BET1L: variants seen among roughly 807,000 people sequenced by gnomAD.
BET1L encodes the protein Bet1 golgi vesicular membrane trafficking protein like, also known as BET1-like protein.
BET1L carries 13 observed loss-of-function variants against 12.6 expected under a neutral mutation model. That is an observed-to-expected ratio of 1.03 (90% CI 0.67 to 1.64). The LOEUF (loss-of-function observed/expected upper bound fraction) is 1.64, where lower values mean the gene tolerates loss of function less well. Among genes scored for constraint, BET1L ranks in the 40% most tolerant of loss-of-function variants. The pLI, the probability that BET1L is intolerant of heterozygous loss-of-function variation, is 0.00. For synonymous variants in BET1L, 60 were observed against 56.9 expected, an observed-to-expected ratio of 1.05 and a Z score of -0.25; for missense variants, 154 against 150.7, an observed-to-expected ratio of 1.02 and a Z score of -0.11.
Position 205,139 on chromosome 11 carries a change from G to C in BET1L, c.*163C>G. On this transcript the variant is annotated 3_prime_UTR_variant, in exon 4 of 4. Transcript: ENST00000382762. ...GGGACCAGCCAACATGAGCTCATCA[G>C]GTCACAGGCAGCCGCAGCCTCCTGC... 3 of 974,128 alleles carry C rather than the reference G, an allele frequency of 3.1e-6. No individual in the cohort carries two copies. Among genetic ancestry groups the C allele is most frequent in the Non-Finnish European group, 4.4e-6 (3 of 678,918 alleles). 60.3% of individuals were successfully genotyped at this position (974,128 alleles called of 1,614,324 possible). A position where few individuals can be genotyped will look rare whatever the true frequency, so the allele number is the denominator to read the frequency against.
chr11:205,539 G>A (rs370700212), intron 3 of BET1L, 70 bp from the exon 4 acceptor site: 4 of 1,614,176 alleles, frequency 2.5e-6, no homozygotes, highest in Non-Finnish European at 3.4e-6. Context: ...CAGTGCTGAA[G>A]GAGACACTGC....
In BET1L at chr11:203,482, AG is replaced by A. The variant is rs1855081001; in HGVS notation, c.*1819del. ...CACCTGGGGTGTAGCTGGTTACCACAGCTCAGCCACATTCCCCAGAAACGGA... is the reference window on the plus strand; with the variant it reads ...CACCTGGGGTGTAGCTGGTTACCACACTCAGCCACATTCCCCAGAAACGGA... On this transcript the variant is annotated 3_prime_UTR_variant, in exon 4 of 4. Transcript: ENST00000382762. 1.3e-5 allele frequency: 2 copies of A among 152,566 alleles called. No individual in the cohort carries two copies. Among genetic ancestry groups the A allele is most frequent in the African/African-American group, 4.8e-5 (2 of 41,456 alleles). The allele number at this position is 152,566 out of a possible 1,614,324, so 9.5% of individuals were successfully genotyped here.
chr11:205,941 C>T lies in BET1L; in HGVS notation c.111+11G>A, dbSNP rs1409588182. 6.2e-7 allele frequency: 1 copy of T among 1,613,404 alleles called. No homozygotes were observed. The highest frequency in any genetic ancestry group is 8.5e-7 in the Non-Finnish European group (1 of 1,179,484). ...CACCAGGTGGAGGTAAGAGGACAGA[C>T]CACCACTGACCGATTTGAGCCTGGT... On this transcript the variant is annotated intron_variant, in intron 2 of 3. Coordinates refer to ENST00000382762, the MANE Select transcript of BET1L (RefSeq NM_001098787.2).
rs751823348 is a variant in BET1L at position 205,361 on chromosome 11, C to T, written c.277G>A (p.Val93Met). 2.5e-5 allele frequency: 41 copies of T among 1,614,004 alleles called. No individual in the cohort carries two copies. Among genetic ancestry groups the T allele is most frequent in the South Asian group, 2.3e-4 (21 of 91,072 alleles). The change falls in exon 4 of 4, where the codon GTG (valine) becomes ATG (methionine). Residue 93 changes from valine to methionine, a missense_variant. Physicochemically the swap from Val to Met is conservative, Grantham distance 21 (BLOSUM62 1). Coordinates refer to ENST00000382762, the MANE Select transcript of BET1L (RefSeq NM_001098787.2). Reference sequence around the variant, plus strand: ...ATGAAGAAGGCCACAATTAGACCCACGGCCATGCCACATAGAAGCTTCCGG... The same window carrying T: ...ATGAAGAAGGCCACAATTAGACCCATGGCCATGCCACATAGAAGCTTCCGG... The part of the protein sequence containing the change: ...DNRKLLCGMA[V>M]GLIVAFFILS...
chr11:205,989 G>A lies in BET1L; in HGVS notation c.74C>T (p.Ala25Val), dbSNP rs754567875. 2 of 1,613,958 alleles carry A rather than the reference G, an allele frequency of 1.2e-6. No individual in the cohort carries two copies. Among genetic ancestry groups the A allele is most frequent in the Admixed American group, 1.7e-5 (1 of 60,006 alleles). ...GGTGACTTTGGAGGCCAGGCTGTCA[G>A]CCATTCGCTTGTTCTCCCGGTCTAG... ...EILDRENKRM[A>V]DSLASKVTRL... The change falls in exon 2 of 4, where the codon GCT (alanine) becomes GTT (valine). Residue 25 changes from alanine to valine, a missense_variant. Ala to Val is a moderately conservative substitution (Grantham distance 64, BLOSUM62 0). Transcript: ENST00000382762.
At position 207,360 on chromosome 11, in the gene BET1L, G is replaced by T. The variant is rs1240521281; in HGVS notation, c.-39C>A. 1 of 1,408,898 alleles carries T rather than the reference G, an allele frequency of 7.1e-7. No homozygotes were observed. Among genetic ancestry groups the T allele is most frequent in the Non-Finnish European group, 9.2e-7 (1 of 1,091,636 alleles). The allele number at this position is 1,408,898 out of a possible 1,614,324, so 87.3% of individuals were successfully genotyped here. ...GGCTCCTCGACGCGGACACCGACGC[G>T]GCCACAGCCGCCTCAGACGTGGCGC... On this transcript the variant is annotated 5_prime_UTR_variant, in exon 1 of 4. Coordinates refer to ENST00000382762, the MANE Select transcript of BET1L (RefSeq NM_001098787.2).
Position 205,274 on chromosome 11 carries a change from G to A in BET1L, c.*28C>T, listed in dbSNP as rs753615976. On this transcript the variant is annotated 3_prime_UTR_variant, in exon 4 of 4. Coordinates refer to ENST00000382762, the MANE Select transcript of BET1L (RefSeq NM_001098787.2). ...GCAGGGAAGACCCTGGCTGCCCTTG[G>A]CACCCACAGACACCAGCTCCCACTG... The A allele has an allele frequency of 1.3e-6, 2 of 1,599,688 alleles. No individual in the cohort carries two copies. Among genetic ancestry groups the A allele is most frequent in the Admixed American group, 3.4e-5 (2 of 58,808 alleles).
At chr11:207,040 G>A (rs1409722501) in intron 1 of BET1L, 3 of 504,826 alleles carry the variant, frequency 5.9e-6, no homozygotes, top group Non-Finnish European at 6.9e-6. Context: ...CACAGGGGGC[G>A]GCGGGGAGTG....
At position 205,944 on chromosome 11, in the gene BET1L, C is replaced by T. The variant is rs1458751087; in HGVS notation, c.111+8G>A. Reference sequence around the variant, plus strand: ...CAGGTGGAGGTAAGAGGACAGACCACCACTGACCGATTTGAGCCTGGTGAC... The same window carrying T: ...CAGGTGGAGGTAAGAGGACAGACCATCACTGACCGATTTGAGCCTGGTGAC... On this transcript the variant is annotated splice_region_variant and intron_variant, in intron 2 of 3. Coordinates refer to ENST00000382762, the MANE Select transcript of BET1L (RefSeq NM_001098787.2). 2 of 1,613,788 alleles carry T rather than the reference C, an allele frequency of 1.2e-6. No individual in the cohort carries two copies. The highest frequency in any genetic ancestry group is 2.2e-5 in the East Asian group (1 of 44,884).
Position 207,381 on chromosome 11 carries a change from G to GGCCACAGCCGCCTCAGACGTC in BET1L, c.-61_-60insGACGTCTGAGGCGGCTGTGGC. The GGCCACAGCCGCCTCAGACGTC allele has an allele frequency of 6.7e-7, 1 of 1,499,628 alleles. No individual in the cohort carries two copies. Among genetic ancestry groups the GGCCACAGCCGCCTCAGACGTC allele is most frequent in the Non-Finnish European group, 8.9e-7 (1 of 1,129,152 alleles). The allele number at this position is 1,499,628 out of a possible 1,614,324, so 92.9% of individuals were successfully genotyped here. A position where few individuals can be genotyped will look rare whatever the true frequency, so the allele number is the denominator to read the frequency against. On this transcript the variant is annotated 5_prime_UTR_variant, in exon 1 of 4. Coordinates refer to ENST00000382762, the MANE Select transcript of BET1L (RefSeq NM_001098787.2). ...ACGCGGCCACAGCCGCCTCAGACGTGGCGCAGTCGCGGGGAAAGAGCTTCC... is the reference window on the plus strand; with the variant it reads ...ACGCGGCCACAGCCGCCTCAGACGTGGCCACAGCCGCCTCAGACGTCGCGCAGTCGCGGGGAAAGAGCTTCC...
In BET1L at chr11:205,266, T is replaced by C. The variant is rs1483903954; in HGVS notation, c.*36A>G. The C allele has an allele frequency of 1.9e-6, 3 of 1,594,182 alleles. No individual in the cohort carries two copies. The highest frequency in any genetic ancestry group is 2.6e-6 in the Non-Finnish European group (3 of 1,168,164). ...AACACCAGGCAGGGAAGACCCTGGC[T>C]GCCCTTGGCACCCACAGACACCAGC... On this transcript the variant is annotated 3_prime_UTR_variant, in exon 4 of 4. Transcript: ENST00000382762.
Position 207,350 on chromosome 11 carries a change from ACACCGACGCGGC to A in BET1L, c.-41_-30del, listed in dbSNP as rs750452680. 22 of 1,164,890 alleles carry A rather than the reference ACACCGACGCGGC, an allele frequency of 1.9e-5. No homozygotes were observed. In the South Asian group the frequency reaches 2.7e-4, roughly 14 times the overall value. 72.2% of individuals were successfully genotyped at this position (1,164,890 alleles called of 1,614,324 possible). On this transcript the variant is annotated 5_prime_UTR_variant, in exon 1 of 4. Coordinates refer to ENST00000382762, the MANE Select transcript of BET1L (RefSeq NM_001098787.2). ...GCCCTGCCCCGGCTCCTCGACGCGG[ACACCGACGCGGC>A]CACAGCCGCCTCAGACGTGGCGCAG...
intron 2 of BET1L, 24 bp downstream of exon 2, chr11:205,928 G>T: frequency 6.2e-7 from 1 of 1,610,330 alleles, no homozygotes; most frequent in Non-Finnish European, 8.5e-7. Context: ...CCAGGTGGAG[G>T]TAAGAGGACA....
chr11:207,381 G>GGCCACAGCCGCCTCAGACGTT lies in BET1L; in HGVS notation c.-61_-60insAACGTCTGAGGCGGCTGTGGC. On this transcript the variant is annotated 5_prime_UTR_variant, in exon 1 of 4. Transcript: ENST00000382762. ...ACGCGGCCACAGCCGCCTCAGACGT[G>GGCCACAGCCGCCTCAGACGTT]GCGCAGTCGCGGGGAAAGAGCTTCC... The GGCCACAGCCGCCTCAGACGTT allele has an allele frequency of 2.7e-6, 4 of 1,499,620 alleles. No individual in the cohort carries two copies. Among genetic ancestry groups the GGCCACAGCCGCCTCAGACGTT allele is most frequent in the African/African-American group, 1.4e-5 (1 of 69,966 alleles). 92.9% of individuals were successfully genotyped at this position (1,499,620 alleles called of 1,614,324 possible).
intron 1 of BET1L, 72 bp downstream of exon 1, chr11:207,231 C>A: frequency 6.7e-7 from 1 of 1,498,880 alleles, no homozygotes; most frequent in Non-Finnish European, 8.9e-7. Flanking sequence ...GGCAGGCGCA[C>A]GCGGCTCTAC....
intron 1 of BET1L, 114 bp from the exon 2 acceptor site, chr11:206,157 T>C: frequency 1.2e-6 from 1 of 844,778 alleles, no homozygotes. Context: ...TAACCAAGGT[T>C]CCAGCAGGTG....
At chr11:205,766 A>G in intron 2 of BET1L, 99 bp from the exon 3 acceptor site, 1 of 1,513,802 alleles carries the variant, frequency 6.6e-7, no homozygotes, top group Middle Eastern at 1.7e-4. Flanking sequence ...CAACTCTGCC[A>G]GACACAGTGG....
chr11:207,032 CA>C (rs1855182327), intron 1 of BET1L: 4 of 502,918 alleles, frequency 8.0e-6, no homozygotes, highest in Non-Finnish European at 1.4e-5. Context: ...AACGATCTCA[CA>C]GGGGGCGGCG....
At position 205,369 on chromosome 11, in the gene BET1L, C is replaced by G. The variant is rs750567212; in HGVS notation, c.269G>C (p.Gly90Ala). 1.2e-6 allele frequency: 2 copies of G among 1,614,170 alleles called. No homozygotes were observed. The highest frequency in any genetic ancestry group is 1.7e-6 in the Non-Finnish European group (2 of 1,180,012). ...SGQDNRKLLC[G>A]MAVGLIVAFF... ...GGCCACAATTAGACCCACGGCCATG[C>G]CACATAGAAGCTTCCGGTTGTCTTG... Residue 90 changes from glycine (G) to alanine (A), a missense_variant, in exon 4 of 4, where the codon GGC (glycine) becomes GCC (alanine). Transcript: ENST00000382762.
Sources: allele counts gnomAD v4.1 joint callset, GRCh38; gene constraint gnomAD v4.1.1; transcripts MANE v1.5; gene names NCBI Gene and HGNC (gene_info 2026-07-23, HGNC 2026-07-21).